The following CD27 variants were observed in gnomAD, a reference collection of about 807,000 sequenced individuals.
CD27 encodes the protein CD27 molecule.
A neutral mutation model predicts 25.9 loss-of-function variants in CD27; 16 were observed. The observed-to-expected ratio is 0.62, with a 90% CI of 0.42 to 0.94. CD27 has a LOEUF of 0.94. CD27 is among the 40% of genes least tolerant of loss of function. The pLI, the probability that CD27 is intolerant of heterozygous loss-of-function variation, is 0.00. For synonymous variants in CD27, 142 were observed against 124.3 expected, an observed-to-expected ratio of 1.14 and a Z score of -0.95; for missense variants, 300 against 333.2, an observed-to-expected ratio of 0.90 and a Z score of 0.78.
At chr12:6,444,629 C>T (rs1345724134), upstream of CD27, among the ~76,000 whole-genome samples, 3 of 118,238 alleles carry the variant, frequency 2.5e-5, no homozygotes, top group Admixed American at 1.3e-4. Context: ...AGGAGTCCTG[C>T]GAATTCGTCT....
In CD27 at chr12:6,451,696, A is replaced by C; in HGVS notation, c.*304A>C. ...CACATGCTACAAGACGGGCAAAATA[A>C]AGTGACAGATGACCACCCTGCAGCT... On this transcript the variant is annotated 3_prime_UTR_variant, in exon 6 of 6. Coordinates refer to ENST00000266557, the MANE Select transcript of CD27 (RefSeq NM_001242.5). The C allele has an allele frequency of 9.0e-6, 3 of 332,994 alleles. No homozygotes were observed. The highest frequency in any genetic ancestry group is 5.6e-5 in the East Asian group (1 of 17,884). The allele number at this position is 332,994 out of a possible 1,614,324, so 20.6% of individuals were successfully genotyped here.
At chr12:6,446,179 T>G (rs138821224) in intron 2 of CD27, among the ~76,000 whole-genome samples, 1,746 of 152,356 alleles carry the variant, frequency 0.011, 14 homozygotes, top group Non-Finnish European at 0.019. Flanking sequence ...ATAGCAGGCT[T>G]TAAAGTGGCC....
At position 6,445,186 on chromosome 12, in the gene CD27, C is replaced by T. The variant is rs766179003; in HGVS notation, c.91C>T (p.His31Tyr). 2 of 1,613,328 alleles carry T rather than the reference C, an allele frequency of 1.2e-6. No homozygotes were observed. Among genetic ancestry groups the T allele is most frequent in the South Asian group, 1.1e-5 (1 of 90,936 alleles). ...TPAPKSCPERHYWAQGKLCCQ... is the reference protein window; with the variant it reads ...TPAPKSCPERYYWAQGKLCCQ... ...AGCCCCCAAGAGCTGCCCAGAGAGGCACTACTGGGCTCAGGGAAAGCTGTG... is the reference window on the plus strand; with the variant it reads ...AGCCCCCAAGAGCTGCCCAGAGAGGTACTACTGGGCTCAGGGAAAGCTGTG... The change falls in exon 1 of 6, where the codon CAC becomes TAC. Residue 31 changes from histidine to tyrosine, a missense_variant. His to Tyr is a moderately conservative substitution (Grantham distance 83, BLOSUM62 2). Transcript: ENST00000266557. The surrounding 1 kb of genome is among the most constrained non-coding windows in gnomAD (Gnocchi z 4.5).
Position 6,450,312 on chromosome 12 carries a change from G to A in CD27, c.408G>A (p.Leu136=), listed in dbSNP as rs1433505985. The change falls in exon 3 of 6, where the codon CTG becomes CTA. Residue 136 remains leucine (L), a synonymous_variant. Coordinates refer to ENST00000266557, the MANE Select transcript of CD27 (RefSeq NM_001242.5). The surrounding 1 kb of genome is among the most constrained non-coding windows in gnomAD (Gnocchi z 4.1). Reference sequence around the variant, plus strand: ...TGACCGCTCGGTCGTCTCAGGCCCTGAGCCCACACCCTCAGCCCACCCACT... The same window carrying A: ...TGACCGCTCGGTCGTCTCAGGCCCTAAGCCCACACCCTCAGCCCACCCACT... ...PSLTARSSQA[L]SPHPQPTHLP... 6.2e-6 allele frequency: 10 copies of A among 1,613,444 alleles called. 1 individual carries two copies. In the South Asian group the frequency reaches 9.9e-5, roughly 16 times the overall value.
Position 6,450,473 on chromosome 12 carries a change from C to T in CD27, c.449-68C>T. On this transcript the variant is annotated intron_variant, in intron 3 of 5. Transcript: ENST00000266557. This position sits in a 1 kb window ranked among gnomAD's most constrained non-coding sequence, Gnocchi z 4.1. ...TTCTGCCTTCCCATCCCATCCAGCA[C>T]CTCTCAGGCCTTCAGATGTGCCCTA... is the stretch of plus-strand genomic sequence containing the variant. 1.3e-6 allele frequency: 2 copies of T among 1,551,228 alleles called. No individual in the cohort carries two copies. Among genetic ancestry groups the T allele is most frequent in the Non-Finnish European group, 1.8e-6 (2 of 1,128,824 alleles).
chr12:6,447,103 A>G (rs2136962873), intron 2 of CD27: 1 of 152,380 alleles, frequency 6.6e-6, no homozygotes. Context: ...TCCAAAAAAA[A>G]AAAGAAAACA....
chr12:6,449,840 G>A (rs980353881), intron 2 of CD27, among the ~76,000 whole-genome samples: 1 of 152,080 alleles, frequency 6.6e-6, no homozygotes, highest in African/African-American at 2.4e-5. Context: ...ACAAGAGCGA[G>A]ACTCCATCTC....
At position 6,445,541 on chromosome 12, in the gene CD27, G is replaced by A. The variant is rs1404955716; in HGVS notation, c.254G>A (p.Arg85Gln). Residue 85 changes from arginine (R) to glutamine (Q), a missense_variant, in exon 2 of 6, where the codon CGG (arginine) becomes CAG (glutamine). Arg to Gln is a conservative substitution (Grantham distance 43, BLOSUM62 1). Transcript: ENST00000266557. The surrounding 1 kb of genome is among the most constrained non-coding windows in gnomAD (Gnocchi z 4.5). ...ACCCGGCCCCACTGTGAGAGCTGTCGGCACTGTAACTCTGGTGAGGTGGGC... is the reference window on the plus strand; with the variant it reads ...ACCCGGCCCCACTGTGAGAGCTGTCAGCACTGTAACTCTGGTGAGGTGGGC... ...HHTRPHCESC[R>Q]HCNSGLLVRN... 41 of 1,613,566 alleles carry A rather than the reference G, an allele frequency of 2.5e-5. 1 individual carries two copies. The highest frequency in any genetic ancestry group is 1.3e-4 in the South Asian group (12 of 91,082).
At position 6,445,205 on chromosome 12, in the gene CD27, A is replaced by G. The variant is rs1949396489; in HGVS notation, c.110A>G (p.Lys37Arg). 1.2e-6 allele frequency: 2 copies of G among 1,613,946 alleles called. No homozygotes were observed. Among genetic ancestry groups the G allele is most frequent in the South Asian group, 2.2e-5 (2 of 91,052 alleles). Residue 37 changes from lysine to arginine, a missense_variant, in exon 1 of 6, where the codon AAG (lysine) becomes AGG (arginine). Lys to Arg is a conservative substitution (Grantham distance 26, BLOSUM62 2). Transcript: ENST00000266557. This position sits in a 1 kb window ranked among gnomAD's most constrained non-coding sequence, Gnocchi z 4.5. ...GAGAGGCACTACTGGGCTCAGGGAA[A>G]GCTGTGCTGCCAGATGTGTGAGCCA... is the stretch of plus-strand genomic sequence containing the variant. Reference protein sequence around the residue: ...CPERHYWAQGKLCCQMCEPGT... With the variant: ...CPERHYWAQGRLCCQMCEPGT...
chr12:6,451,264 G>T lies in CD27; in HGVS notation c.659-4G>T, dbSNP rs1195403714. 2 of 1,613,604 alleles carry T rather than the reference G, an allele frequency of 1.2e-6. No homozygotes were observed. The highest frequency in any genetic ancestry group is 1.7e-6 in the Non-Finnish European group (2 of 1,179,804). Reference sequence around the variant, plus strand: ...GCCAAGACTCATCGGATCTCCTTCTGCAGACAAAGGAGAAAGTCCTGTGGA... The same window carrying T: ...GCCAAGACTCATCGGATCTCCTTCTTCAGACAAAGGAGAAAGTCCTGTGGA... On this transcript the variant is annotated splice_polypyrimidine_tract_variant and splice_region_variant and intron_variant, in intron 5 of 5. Coordinates refer to ENST00000266557, the MANE Select transcript of CD27 (RefSeq NM_001242.5).
At position 6,445,431 on chromosome 12, in the gene CD27, C is replaced by A; in HGVS notation, c.144C>A (p.Phe48Leu). 2 of 1,614,184 alleles carry A rather than the reference C, an allele frequency of 1.2e-6. No homozygotes were observed. The highest frequency in any genetic ancestry group is 1.1e-5 in the South Asian group (1 of 91,072). Residue 48 changes from phenylalanine to leucine, a missense_variant, in exon 2 of 6, where the codon TTC becomes TTA. Physicochemically the swap from Phe to Leu is conservative, Grantham distance 22. Coordinates refer to ENST00000266557, the MANE Select transcript of CD27 (RefSeq NM_001242.5). This position sits in a 1 kb window ranked among gnomAD's most constrained non-coding sequence, Gnocchi z 4.5. The part of the protein sequence containing the change: ...LCCQMCEPGT[F>L]LVKDCDQHRK... ...CTTACCCTCTCCTCCCAGGAACATT[C>A]CTCGTGAAGGACTGTGACCAGCATA...
upstream of CD27, among the ~76,000 whole-genome samples, chr12:6,444,664 T>TTG (rs141006836): frequency 8.4e-5 from 6 of 71,086 alleles, no homozygotes; most frequent in Admixed American, 1.6e-4. Flanking sequence ...GGGGGGTGGG[T>TTG]GGGGGGGGGT....
In CD27 at chr12:6,445,344, C is replaced by T; in HGVS notation, c.137-80C>T. Reference sequence around the variant, plus strand: ...AGCTCAAGCAAGGAGGGAAATCCTGCAGCTGTGGGGAGGCACCACCTTGAA... The same window carrying T: ...AGCTCAAGCAAGGAGGGAAATCCTGTAGCTGTGGGGAGGCACCACCTTGAA... On this transcript the variant is annotated intron_variant, in intron 1 of 5. Coordinates refer to ENST00000266557, the MANE Select transcript of CD27 (RefSeq NM_001242.5). This position sits in a 1 kb window ranked among gnomAD's most constrained non-coding sequence, Gnocchi z 4.5. 6.2e-7 allele frequency: 1 copy of T among 1,607,290 alleles called. No homozygotes were observed. Among genetic ancestry groups the T allele is most frequent in the Non-Finnish European group, 8.5e-7 (1 of 1,175,200 alleles).
In CD27 at chr12:6,451,455, A is replaced by T. The variant is rs1375427953; in HGVS notation, c.*63A>T. On this transcript the variant is annotated 3_prime_UTR_variant, in exon 6 of 6. Coordinates refer to ENST00000266557, the MANE Select transcript of CD27 (RefSeq NM_001242.5). ...CCACCCCCACCCCGCCGACCATCCA[A>T]GGGAGAGTGAGACCTGGCAGCCACA... is the stretch of plus-strand genomic sequence containing the variant. The T allele has an allele frequency of 6.5e-7, 1 of 1,542,918 alleles. No individual in the cohort carries two copies. Among genetic ancestry groups the T allele is most frequent in the Admixed American group, 1.9e-5 (1 of 51,872 alleles).
Position 6,445,258 on chromosome 12 carries a change from G to C in CD27, c.136+27G>C, listed in dbSNP as rs1439900578. ...TAAGAGGGGGCCTTGGTAAGGGCCA[G>C]GTGAGTGGCGAAAGAGAGAGGACTG... is the stretch of plus-strand genomic sequence containing the variant. On this transcript the variant is annotated intron_variant, in intron 1 of 5. Transcript: ENST00000266557. The surrounding 1 kb of genome is among the most constrained non-coding windows in gnomAD (Gnocchi z 4.5). 8.1e-6 allele frequency: 13 copies of C among 1,613,352 alleles called. No individual in the cohort carries two copies. Among genetic ancestry groups the C allele is most frequent in the Non-Finnish European group, 1.1e-5 (13 of 1,179,754 alleles).
chr12:6,444,390 T>C (rs951770436), upstream of CD27, among the ~76,000 whole-genome samples: 2 of 152,146 alleles, frequency 1.3e-5, no homozygotes, highest in African/African-American at 4.8e-5. Flanking sequence ...TTGGTGTAAA[T>C]ATTCAATAGT....
At position 6,445,592 on chromosome 12, in the gene CD27, A is replaced by G. The variant is rs1443141811; in HGVS notation, c.268+37A>G. 3 of 1,606,750 alleles carry G rather than the reference A, an allele frequency of 1.9e-6. No homozygotes were observed. ...AAGGGTGTGTAGGTGGGGACGATGG[A>G]CAAGCATCTGGGGGAGCAAGGCTGG... On this transcript the variant is annotated intron_variant, in intron 2 of 5. Coordinates refer to ENST00000266557, the MANE Select transcript of CD27 (RefSeq NM_001242.5). This position sits in a 1 kb window ranked among gnomAD's most constrained non-coding sequence, Gnocchi z 4.5.
Position 6,450,122 on chromosome 12 carries a change from G to A in CD27, c.269-51G>A. ...GGGGATGAAGCAAGTGGACCTTGAA[G>A]GTCTCCACAGGTCTGAGTGTCCTAT... On this transcript the variant is annotated intron_variant, in intron 2 of 5. Transcript: ENST00000266557. This position sits in a 1 kb window ranked among gnomAD's most constrained non-coding sequence, Gnocchi z 4.1. 2.6e-6 allele frequency: 4 copies of A among 1,537,252 alleles called. No homozygotes were observed. In the South Asian group the frequency reaches 4.7e-5, roughly 18 times the overall value.
intron 5 of CD27, 58 bp from the exon 6 acceptor site, chr12:6,451,207 CCTT>C: frequency 6.3e-7 from 1 of 1,594,522 alleles, no homozygotes; most frequent in Admixed American, 1.7e-5. Flanking sequence ...CTACCCATCT[CCTT>C]CTCCCGTCTC....
Sources: gnomAD v4.1 joint callset for allele counts (sites outside exome capture counted in the v4.1 genomes callset) on GRCh38, gnomAD v4.1.1 for gene constraint, Gnocchi (gnomAD v3.1) non-coding constraint, MANE v1.5 for transcripts, NCBI Gene and HGNC (gene_info 2026-07-23, HGNC 2026-07-21) for gene names.